The following HMCN1 variants were observed in gnomAD, a reference collection of about 807,000 sequenced individuals.
HMCN1 encodes the protein hemicentin 1.
HMCN1 carries 321 observed loss-of-function variants against 625.9 expected under a neutral mutation model. The observed-to-expected ratio is 0.51, with a 90% CI of 0.47 to 0.56. The LOEUF (loss-of-function observed/expected upper bound fraction) is 0.56. Ranked by LOEUF, HMCN1 falls within the 20% of genes least tolerant of loss-of-function variation. HMCN1 has a pLI of 0.00. For synonymous variants in HMCN1, 2,425 were observed against 2,417.6 expected, an observed-to-expected ratio of 1.00 and a Z score of -0.09; for missense variants, 6,588 against 6,887.3, an observed-to-expected ratio of 0.96 and a Z score of 1.54.
rs1658366715 is a variant in HMCN1 at position 186,069,711 on chromosome 1, G to A, written c.7928G>A (p.Arg2643Lys). The A allele has an allele frequency of 6.2e-7, 1 of 1,613,636 alleles. No homozygotes were observed. The highest frequency in any genetic ancestry group is 1.3e-5 in the African/African-American group (1 of 75,048). The stretch of plus-strand genomic sequence containing the variant: ...AATGCACAGGAGGACAATGCTGGAA[G>A]ATACTCTTGTGTAGCCACGAATGAG... The part of the protein sequence containing the change: ...ILNAQEDNAG[R>K]YSCVATNEAG... Residue 2643 changes from arginine to lysine, a missense_variant, in exon 51 of 107, where the codon AGA becomes AAA. Physicochemically the swap from Arg to Lys is conservative, Grantham distance 26 (BLOSUM62 2). Transcript: ENST00000271588.
chr1:185,984,353 T>C, intron 19 of HMCN1, 40 bp downstream of exon 19: 1 of 1,591,738 alleles, frequency 6.3e-7, no homozygotes, highest in Non-Finnish European at 8.6e-7. Context: ...GAAACTGTGT[T>C]CAAAGTAGTT....
intron 81 of HMCN1, among the ~76,000 whole-genome samples, chr1:186,124,667 T>G (rs972257177): frequency 6.6e-6 from 1 of 152,082 alleles, no homozygotes; most frequent in East Asian, 1.9e-4. Flanking sequence ...AAATTAACTA[T>G]TTTAATCGAA....
At chr1:186,035,940 A>G (rs753548654) in intron 36 of HMCN1, among the ~76,000 whole-genome samples, 21 of 152,074 alleles carry the variant, frequency 1.4e-4, no homozygotes, top group African/African-American at 5.1e-4. Flanking sequence ...TACACAGCCA[A>G]TTTCTGAGGA....
At chr1:185,845,925 G>A (rs1405031910) in intron 1 of HMCN1, 101 bp from the exon 2 acceptor site, 10 of 742,502 alleles carry the variant, frequency 1.3e-5, no homozygotes, top group Non-Finnish European at 2.4e-5. Context: ...TTATTAATAA[G>A]TAACCATGTA....
In HMCN1 at chr1:185,987,476, G is replaced by T. The variant is rs1253910210; in HGVS notation, c.2980G>T (p.Glu994Ter). The T allele has an allele frequency of 6.2e-7, 1 of 1,613,960 alleles. No individual in the cohort carries two copies. The highest frequency in any genetic ancestry group is 2.2e-5 in the East Asian group (1 of 44,876). ...TGGGCAGCAGATACTCAGTACAATT[G>T]AAGGCATTCCAGTAACTTTACCATG... ...QHGQQILSTI[E>*]GIPVTLPCKA... Residue 994 changes from glutamate to a stop codon, truncating the protein, a stop_gained, in exon 20 of 107, where the codon GAA becomes TAA. Coordinates refer to ENST00000271588, the MANE Select transcript of HMCN1 (RefSeq NM_031935.3). LOFTEE classifies it high-confidence loss of function.
chr1:186,005,094 A>G (rs1219554595), intron 29 of HMCN1, among the ~76,000 whole-genome samples: 1 of 150,768 alleles, frequency 6.6e-6, no homozygotes, highest in Non-Finnish European at 1.5e-5. Flanking sequence ...ATAATTTTTT[A>G]ATTGTTTAAA....
chr1:185,816,261 G>A (rs1281073013), intron 1 of HMCN1, among the ~76,000 whole-genome samples: 1 of 152,200 alleles, frequency 6.6e-6, no homozygotes, highest in Non-Finnish European at 1.5e-5. Context: ...TTTGTAAAAT[G>A]GCCAGTGATA....
At chr1:186,064,137 A>G (rs1657956397) in intron 48 of HMCN1, among the ~76,000 whole-genome samples, 1 of 152,160 alleles carries the variant, frequency 6.6e-6, no homozygotes, top group Non-Finnish European at 1.5e-5. Flanking sequence ...TAGAAATAAT[A>G]TAGTAATTTA....
At chr1:185,806,546 CAAA>C (rs34411405) in intron 1 of HMCN1, among the ~76,000 whole-genome samples, 3,627 of 103,350 alleles carry the variant, frequency 0.035, 149 homozygotes, top group African/African-American at 0.11. Flanking sequence ...GACCCTGTCT[CAAA>C]AAAAAAAAAA....
chr1:186,133,832 GTTCTT>G (rs1386613536), intron 86 of HMCN1, among the ~76,000 whole-genome samples: 2 of 151,984 alleles, frequency 1.3e-5, no homozygotes, highest in African/African-American at 2.4e-5. Context: ...ATTAAACAGA[GTTCTT>G]TTATTTATTA....
chr1:186,184,633 A>G (rs1164108243), intron 105 of HMCN1, among the ~76,000 whole-genome samples: 1 of 151,594 alleles, frequency 6.6e-6, no homozygotes, highest in Non-Finnish European at 1.5e-5. Flanking sequence ...TGTTTTAAAA[A>G]TGCAATGCAT....
At position 185,843,285 on chromosome 1, in the gene HMCN1, G is replaced by A. The variant is rs116478096; in HGVS notation, c.269-2741G>A. Among the ~76,000 whole-genome samples, 1,175 of 152,292 alleles carry A rather than the reference G, an allele frequency of 7.7e-3. 12 individuals are homozygous for A. The highest frequency in any genetic ancestry group is 0.027 in the African/African-American group (1,132 of 41,548). ...AAGGCAAAACATTAACAAAGATAAG[G>A]TTTAAATCAGGCCTTATAGACTGAC... On this transcript the variant is annotated intron_variant, in intron 1 of 106. Coordinates refer to ENST00000271588, the MANE Select transcript of HMCN1 (RefSeq NM_031935.3).
At chr1:186,078,532 C>A (rs1658966828) in intron 55 of HMCN1, among the ~76,000 whole-genome samples, 1 of 152,164 alleles carries the variant, frequency 6.6e-6, no homozygotes, top group South Asian at 2.1e-4. Flanking sequence ...TGAGGTCAAC[C>A]AGACTTTACC....
intron 72 of HMCN1, 62 bp from the exon 73 acceptor site, chr1:186,113,917 G>C: frequency 6.4e-7 from 1 of 1,557,220 alleles, no homozygotes; most frequent in Non-Finnish European, 8.9e-7. Context: ...CATCTTCAGG[G>C]TCTTCATGCA....
At chr1:185,820,354 T>C (rs1419998129) in intron 1 of HMCN1, among the ~76,000 whole-genome samples, 1 of 152,168 alleles carries the variant, frequency 6.6e-6, no homozygotes, top group Non-Finnish European at 1.5e-5. Flanking sequence ...GTATTTGAGA[T>C]TGGATTTTGC....
At position 185,891,415 on chromosome 1, in the gene HMCN1, T is replaced by C. The variant is rs548109850; in HGVS notation, c.622-17922T>C. ...CAGTTTCTTGCTAGTCTCGATGTTC[T>C]TTACATTTTGGCATGATTTTGCAGC... On this transcript the variant is annotated intron_variant, in intron 4 of 106. Coordinates refer to ENST00000271588, the MANE Select transcript of HMCN1 (RefSeq NM_031935.3). Among the ~76,000 whole-genome samples the C allele has an allele frequency of 1.1e-4, 17 of 148,660 alleles. No homozygotes were observed. The South Asian group carries it at 3.1e-3, about 27-fold the overall frequency.
intron 58 of HMCN1, 124 bp downstream of exon 58, chr1:186,086,531 C>T (rs1659482203): frequency 3.2e-6 from 3 of 941,118 alleles, no homozygotes; most frequent in South Asian, 1.5e-5. Flanking sequence ...ACAGTAAATG[C>T]CTCTCTTTGC....
At chr1:186,106,370 ATT>A (rs1017096348) in intron 69 of HMCN1, among the ~76,000 whole-genome samples, 2 of 152,276 alleles carry the variant, frequency 1.3e-5, no homozygotes, top group Admixed American at 1.3e-4. Context: ...GTCTGACCCT[ATT>A]TCTCATATTA....
At position 185,963,409 on chromosome 1, in the gene HMCN1, A is replaced by G. The variant is rs574336903; in HGVS notation, c.1971-359A>G. Among the ~76,000 whole-genome samples the G allele has an allele frequency of 3.3e-5, 5 of 152,260 alleles. No homozygotes were observed. The South Asian group carries it at 8.3e-4, about 25-fold the overall frequency. On this transcript the variant is annotated intron_variant, in intron 12 of 106. Coordinates refer to ENST00000271588, the MANE Select transcript of HMCN1 (RefSeq NM_031935.3). ...ACATGGAGCAAGATTGCCGGGGTGC[A>G]AATTCCAGTTCTTCCATTTACTAAC...
Sources: allele counts gnomAD v4.1 joint callset (sites outside exome capture counted in the v4.1 genomes callset), GRCh38; gene constraint gnomAD v4.1.1; transcripts MANE v1.5; gene names NCBI Gene and HGNC (gene_info 2026-07-23, HGNC 2026-07-21).